SCMH1: variants seen among roughly 807,000 people sequenced by gnomAD.
SCMH1 encodes polycomb protein SCMH1.
SCMH1 carries 37 observed loss-of-function variants against 70.8 expected under a neutral mutation model. That is an observed-to-expected ratio of 0.52 (90% CI 0.40 to 0.69). The LOEUF (loss-of-function observed/expected upper bound fraction) is 0.69, where lower values mean the gene tolerates loss of function less well. Among genes scored for constraint, SCMH1 ranks in the 30% least tolerant of loss-of-function variants. SCMH1 has a pLI of 0.00. For missense variants in SCMH1, 607 were observed against 827.3 expected (o/e 0.73, Z 3.27); for synonymous variants, 292 against 307.4 (o/e 0.95, Z 0.52).
intron 10 of SCMH1, among the ~76,000 whole-genome samples, chr1:41,060,031 T>G (rs1234238644): frequency 6.8e-6 from 1 of 147,462 alleles, no homozygotes; most frequent in Non-Finnish European, 1.5e-5. Flanking sequence ...CATAACAGAA[T>G]ATTCAAGAAC....
At chr1:41,146,886 C>A (rs987979244) in intron 5 of SCMH1, among the ~76,000 whole-genome samples, 6 of 152,010 alleles carry the variant, frequency 3.9e-5, no homozygotes, top group African/African-American at 1.4e-4. Flanking sequence ...TTGACAAAGT[C>A]CACTCTATTT....
intron 2 of SCMH1, among the ~76,000 whole-genome samples, chr1:41,180,424 T>C (rs1648391997): frequency 6.6e-6 from 1 of 152,196 alleles, no homozygotes; most frequent in South Asian, 2.1e-4. Flanking sequence ...GAAGTCAAAT[T>C]GTCCCTGTTT....
At chr1:41,241,601 G>A (rs1165852732) in intron 1 of SCMH1, among the ~76,000 whole-genome samples, 2 of 152,148 alleles carry the variant, frequency 1.3e-5, no homozygotes, top group Admixed American at 1.3e-4. Flanking sequence ...CGCCGGAGGG[G>A]ACCGACTGAC....
At chr1:41,210,494 T>C (rs966666443) in intron 1 of SCMH1, among the ~76,000 whole-genome samples, 12 of 152,340 alleles carry the variant, frequency 7.9e-5, no homozygotes, top group Admixed American at 5.9e-4. Context: ...AGCATGGTAC[T>C]GGTACCAAAA....
intron 2 of SCMH1, 119 bp downstream of exon 2, chr1:41,186,002 A>G (rs1650103574): frequency 9.3e-7 from 1 of 1,069,558 alleles, no homozygotes; most frequent in African/African-American, 1.6e-5. Context: ...AAATGACATC[A>G]TGGCTATAAA....
At chr1:41,242,233 G>GCGGGGGCTCCCCCGGC (rs1553192322), upstream of SCMH1, 2 of 144,404 alleles carry the variant, frequency 1.4e-5, no homozygotes, top group African/African-American at 2.5e-5. The surrounding 1 kb of genome is among the most constrained non-coding windows in gnomAD (Gnocchi z 5.2). Context: ...GGGGGGCGGG[G>GCGGGGGCTCCCCCGGC]CGGGGGCTCC....
At chr1:41,030,783 G>T (rs1375314901) in intron 13 of SCMH1, among the ~76,000 whole-genome samples, 2 of 151,978 alleles carry the variant, frequency 1.3e-5, no homozygotes, top group Non-Finnish European at 2.9e-5. Context: ...TTGCTATGTT[G>T]CTGACACATA....
intron 8 of SCMH1, among the ~76,000 whole-genome samples, chr1:41,093,517 T>G (rs1441666989): frequency 6.6e-6 from 1 of 152,146 alleles, no homozygotes; most frequent in East Asian, 1.9e-4. Context: ...ACTTAAAGTA[T>G]AATAATAATA....
At chr1:41,225,395 T>C (rs1401806174) in intron 1 of SCMH1, among the ~76,000 whole-genome samples, 1 of 152,246 alleles carries the variant, frequency 6.6e-6, no homozygotes, top group Non-Finnish European at 1.5e-5. Flanking sequence ...CTGAGATATG[T>C]ACAAATATTG....
intron 1 of SCMH1, among the ~76,000 whole-genome samples, chr1:41,196,239 A>C (rs1348936825): frequency 6.6e-6 from 1 of 152,178 alleles, no homozygotes; most frequent in Non-Finnish European, 1.5e-5. Flanking sequence ...AAAGAATCTT[A>C]AAGGATTCCA....
intron 8 of SCMH1, among the ~76,000 whole-genome samples, chr1:41,094,041 C>T (rs1432026308): frequency 6.6e-6 from 1 of 152,178 alleles, no homozygotes; most frequent in Non-Finnish European, 1.5e-5. Flanking sequence ...CAGCTGACAG[C>T]TCAATTATAC....
intron 10 of SCMH1, among the ~76,000 whole-genome samples, chr1:41,065,954 C>T (rs531455374): frequency 6.6e-6 from 1 of 152,286 alleles, no homozygotes; most frequent in Admixed American, 6.5e-5. Flanking sequence ...TGTTCACATC[C>T]CAGTTTCAGT....
intron 1 of SCMH1, among the ~76,000 whole-genome samples, chr1:41,218,124 T>A (rs1658488351): frequency 6.6e-6 from 1 of 152,142 alleles, no homozygotes; most frequent in Non-Finnish European, 1.5e-5. Context: ...TATATTTAGA[T>A]GGGATTTTGG....
chr1:41,111,652 T>G (rs1344052901), intron 8 of SCMH1, among the ~76,000 whole-genome samples: 1 of 152,198 alleles, frequency 6.6e-6, no homozygotes, highest in Admixed American at 6.5e-5. Context: ...CTTGTACCAC[T>G]TTCTTGCTCA....
chr1:41,152,714 C>G, intron 4 of SCMH1: 2 of 1,611,642 alleles, frequency 1.2e-6, no homozygotes, highest in Non-Finnish European at 1.7e-6. Flanking sequence ...CACAGAGCCC[C>G]TTTGGGCCAT....
At chr1:41,049,432 A>C (rs1647222443) in intron 10 of SCMH1, among the ~76,000 whole-genome samples, 1 of 151,790 alleles carries the variant, frequency 6.6e-6, no homozygotes, top group Non-Finnish European at 1.5e-5. Flanking sequence ...ATCAACACTC[A>C]TGCCCAAAGA....
chr1:41,177,333 C>T (rs1647251605), intron 2 of SCMH1, among the ~76,000 whole-genome samples: 1 of 152,182 alleles, frequency 6.6e-6, no homozygotes, highest in Admixed American at 6.5e-5. Context: ...ATCAGAGCGC[C>T]TCTCCTCCTC....
chr1:41,047,278 G>A (rs1646977851), intron 11 of SCMH1, among the ~76,000 whole-genome samples: 1 of 152,082 alleles, frequency 6.6e-6, no homozygotes, highest in Admixed American at 6.6e-5. Context: ...CTAAAGAGAG[G>A]CAGTAAAGAA....
At chr1:41,042,397 C>T (rs1646304074) in intron 12 of SCMH1, among the ~76,000 whole-genome samples, 1 of 152,024 alleles carries the variant, frequency 6.6e-6, no homozygotes, top group South Asian at 2.1e-4. Context: ...TACAAGCATG[C>T]ACCACCACGC....
Sources: gnomAD v4.1 joint callset for allele counts (sites outside exome capture counted in the v4.1 genomes callset) on GRCh38, gnomAD v4.1.1 for gene constraint, Gnocchi (gnomAD v3.1) non-coding constraint, MANE v1.5 for transcripts, NCBI Gene and HGNC (gene_info 2026-07-23, HGNC 2026-07-21) for gene names.